Variants in PITPNM3 observed in about 807,000 individuals in gnomAD.
The protein encoded by PITPNM3 is PITPNM family member 3.
In PITPNM3, 26 loss-of-function variants were observed where a neutral mutation model predicts 102.0. The ratio of observed to expected loss-of-function variants is 0.25; its 90% CI spans 0.19 to 0.35. PITPNM3 has a LOEUF of 0.35. PITPNM3 is among the 10% of genes least tolerant of loss of function. The probability of loss-of-function intolerance (pLI) is 1.00; values close to 1 mark genes in which losing one functional copy is unlikely to be tolerated. For synonymous variants in PITPNM3, 578 were observed against 558.6 expected (o/e 1.03, Z -0.49); for missense variants, 1,083 against 1,346.1 (o/e 0.80, Z 3.06).
intron 3 of PITPNM3, among the ~76,000 whole-genome samples, chr17:6,520,567 A>G (rs574137769): frequency 1.1e-4 from 16 of 152,352 alleles, no homozygotes; most frequent in African/African-American, 2.2e-4. Context: ...AGATACGTTG[A>G]TCAACTCCAC....
chr17:6,530,303 C>T lies in PITPNM3; in HGVS notation c.119-4840G>A, dbSNP rs115144389. On this transcript the variant is annotated intron_variant, in intron 2 of 19. Transcript: ENST00000262483. ...TCAAAATGAGAAGGCTTGGCATGTG[C>T]CCCCCATTCTCTGTGAGACCTGACC... 6.0e-3 allele frequency among the ~76,000 whole-genome samples: 920 copies of T among 152,336 alleles called. 5 individuals are homozygous for T. The highest frequency in any genetic ancestry group is 0.021 in the African/African-American group (863 of 41,570).
intron 14 of PITPNM3, among the ~76,000 whole-genome samples, chr17:6,465,015 C>T (rs1038976945): frequency 6.6e-6 from 1 of 152,130 alleles, no homozygotes; most frequent in Admixed American, 6.5e-5. Context: ...TTTCTGCTTT[C>T]GTGTTTTTTG....
chr17:6,451,879 C>T lies in PITPNM3; in HGVS notation c.*3459G>A, dbSNP rs866706774. 1 of 29,380 alleles carries T rather than the reference C, an allele frequency of 3.4e-5. No homozygotes were observed. The highest frequency in any genetic ancestry group is 3.2e-4 in the Admixed American group (1 of 3,110). The allele number at this position is 29,380 out of a possible 1,614,324, so 1.8% of individuals were successfully genotyped here. ...CAGGGCACTTGGCACCCAAACCCCC[C>T]CCCCCCGCCCGCCGATGGGATTCGG... On this transcript the variant is annotated 3_prime_UTR_variant, in exon 20 of 20. Coordinates refer to ENST00000262483, the MANE Select transcript of PITPNM3 (RefSeq NM_031220.4).
At chr17:6,540,368 CTA>C (rs986296725) in intron 1 of PITPNM3, among the ~76,000 whole-genome samples, 3 of 152,190 alleles carry the variant, frequency 2.0e-5, no homozygotes, top group African/African-American at 7.2e-5. Flanking sequence ...CCTTCCTACA[CTA>C]TGTCCTCCTT....
chr17:6,503,429 C>T lies in PITPNM3; in HGVS notation c.274+98G>A, dbSNP rs534539698. On this transcript the variant is annotated intron_variant, in intron 4 of 19. Coordinates refer to ENST00000262483, the MANE Select transcript of PITPNM3 (RefSeq NM_031220.4). ...GGCAAGATGGCAGGGATCCTGCCAT[C>T]CTTTCAGGCTCTGAGTGGATGAGAG... 2.2e-5 allele frequency: 31 copies of T among 1,379,386 alleles called. No homozygotes were observed. The African/African-American group carries it at 2.9e-4, about 13-fold the overall frequency. The allele number at this position is 1,379,386 out of a possible 1,614,324, so 85.4% of individuals were successfully genotyped here. A position where few individuals can be genotyped will look rare whatever the true frequency, so the allele number is the denominator to read the frequency against.
intron 4 of PITPNM3, among the ~76,000 whole-genome samples, chr17:6,500,958 G>A (rs1907132460): frequency 6.6e-6 from 1 of 152,176 alleles, no homozygotes; most frequent in South Asian, 2.1e-4. Context: ...TTACAGGTGT[G>A]AGCCACCACG....
intron 3 of PITPNM3, among the ~76,000 whole-genome samples, chr17:6,507,306 G>A (rs1021777968): frequency 8.5e-5 from 13 of 152,190 alleles, no homozygotes; most frequent in Non-Finnish European, 1.5e-5. Context: ...AAACTTGGCC[G>A]GGCATGGTGG....
At chr17:6,464,123 C>T in intron 16 of PITPNM3, 47 bp downstream of exon 16, 1 of 1,613,512 alleles carries the variant, frequency 6.2e-7, no homozygotes, top group Non-Finnish European at 8.5e-7. Flanking sequence ...GCTGGAAGGG[C>T]CATAGAAATG....
At chr17:6,553,696 C>G (rs1313829583) in intron 1 of PITPNM3, among the ~76,000 whole-genome samples, 1 of 152,182 alleles carries the variant, frequency 6.6e-6, no homozygotes, top group Non-Finnish European at 1.5e-5. Context: ...CCGGGTGCCA[C>G]AGCCTCCACT....
At chr17:6,538,176 G>A (rs1909547136) in intron 1 of PITPNM3, 94 bp from the exon 2 acceptor site, 1 of 872,168 alleles carries the variant, frequency 1.1e-6, no homozygotes, top group African/African-American at 1.7e-5. Context: ...AGGCCAGTTA[G>A]CATCCTGCAC....
chr17:6,515,492 C>T (rs982609741), intron 3 of PITPNM3, among the ~76,000 whole-genome samples: 2 of 151,222 alleles, frequency 1.3e-5, no homozygotes, highest in Non-Finnish European at 2.9e-5. Flanking sequence ...ATACTAAAAC[C>T]ACACTGAATT....
chr17:6,493,284 C>T (rs899281828), intron 4 of PITPNM3, among the ~76,000 whole-genome samples: 5 of 152,206 alleles, frequency 3.3e-5, no homozygotes, highest in Non-Finnish European at 7.3e-5. Context: ...GAGGGTATGT[C>T]TGATGCCCAA....
rs1905752522 is a variant in PITPNM3, at chr17:6,482,030, C to CTCTG, written c.587+1486_587+1487insCAGA. On this transcript the variant is annotated intron_variant, in intron 6 of 19. Transcript: ENST00000262483. ...TCTCTCTCTCTCTCTCTCTCTCTCT[C>CTCTG]TCTCTGTCTGTCTCTCTCTCTCTCT... Among the ~76,000 whole-genome samples the CTCTG allele has an allele frequency of 3.7e-4, 32 of 86,578 alleles. 3 individuals carry two copies. The highest frequency in any genetic ancestry group is 5.9e-4 in the Non-Finnish European group (25 of 42,218). 56.8% of individuals were successfully genotyped at this position (86,578 alleles called of 152,430 possible). A position where few individuals can be genotyped will look rare whatever the true frequency, so the allele number is the denominator to read the frequency against.
At chr17:6,483,419 GT>G (rs1905864546) in intron 6 of PITPNM3, 97 bp downstream of exon 6, 1 of 1,195,314 alleles carries the variant, frequency 8.4e-7, no homozygotes, top group Non-Finnish European at 1.2e-6. Flanking sequence ...GTCCTTGCAG[GT>G]ACCCACCTGC....
chr17:6,556,312 C>G lies in PITPNM3; in HGVS notation c.22+73G>C. ...ACCTGCGCGAGGGGTTCACCTGGGCCGGCGGCCCCTCCTCTAGACGCGCGA... is the reference window on the plus strand; with the variant it reads ...ACCTGCGCGAGGGGTTCACCTGGGCGGGCGGCCCCTCCTCTAGACGCGCGA... On this transcript the variant is annotated intron_variant, in intron 1 of 19. Transcript: ENST00000262483. This position sits in a 1 kb window ranked among gnomAD's most constrained non-coding sequence, Gnocchi z 5.2. 1 of 1,301,748 alleles carries G rather than the reference C, an allele frequency of 7.7e-7. No homozygotes were observed. The highest frequency in any genetic ancestry group is 2.7e-5 in the Admixed American group (1 of 37,150). 80.6% of individuals were successfully genotyped at this position (1,301,748 alleles called of 1,614,324 possible). A position where few individuals can be genotyped will look rare whatever the true frequency, so the allele number is the denominator to read the frequency against.
At chr17:6,481,702 C>T (rs973290992) in intron 6 of PITPNM3, 2 of 151,232 alleles carry the variant, frequency 1.3e-5, no homozygotes, top group Non-Finnish European at 2.9e-5. Context: ...TATGCTCCAT[C>T]AGAGCACTGT....
intron 4 of PITPNM3, among the ~76,000 whole-genome samples, chr17:6,492,459 G>A (rs149512748): frequency 1.8e-4 from 28 of 152,338 alleles, no homozygotes; most frequent in Non-Finnish European, 2.5e-4. Flanking sequence ...CCCCTCAGGA[G>A]CTGACAGGCT....
Position 6,556,529 on chromosome 17 carries a change from T to C in PITPNM3, c.-123A>G, listed in dbSNP as rs1271915513. ...CGCCCGCGCCCCCGCCCCGCTCGCC[T>C]CGGCTGCCGCCACCGCAGCCGCCGC... On this transcript the variant is annotated 5_prime_UTR_variant, in exon 1 of 20. Transcript: ENST00000262483. This position sits in a 1 kb window ranked among gnomAD's most constrained non-coding sequence, Gnocchi z 5.2. 32 of 616,692 alleles carry C rather than the reference T, an allele frequency of 5.2e-5. No homozygotes were observed. Among genetic ancestry groups the C allele is most frequent in the Non-Finnish European group, 6.1e-5 (31 of 505,974 alleles). 38.2% of individuals were successfully genotyped at this position (616,692 alleles called of 1,614,324 possible).
chr17:6,509,974 C>A (rs1004371458), intron 3 of PITPNM3, among the ~76,000 whole-genome samples: 1 of 152,054 alleles, frequency 6.6e-6, no homozygotes, highest in Non-Finnish European at 1.5e-5. Context: ...TTTTTACCAC[C>A]CCCTAGCTCC....
Sources: gnomAD v4.1 joint callset for allele counts (sites outside exome capture counted in the v4.1 genomes callset) on GRCh38, gnomAD v4.1.1 for gene constraint, Gnocchi (gnomAD v3.1) non-coding constraint, MANE v1.5 for transcripts, NCBI Gene and HGNC (gene_info 2026-07-23, HGNC 2026-07-21) for gene names.